Variants in WWC1 observed in about 807,000 individuals in gnomAD.
The protein encoded by WWC1 is WW and C2 domain containing 1.
In WWC1, 55 loss-of-function variants were observed where a neutral mutation model predicts 138.4. The ratio of observed to expected loss-of-function variants is 0.40; its 90% CI spans 0.32 to 0.50. WWC1 has a LOEUF of 0.50. WWC1 is among the 20% of genes least tolerant of loss of function. The probability of loss-of-function intolerance (pLI) is 0.72; values close to 1 mark genes in which losing one functional copy is unlikely to be tolerated. For missense variants in WWC1, 1,226 were observed against 1,420.4 expected (o/e 0.86, Z 2.20); for synonymous variants, 524 against 564.9 (o/e 0.93, Z 1.03).
intron 8 of WWC1, 84 bp from the exon 9 acceptor site, chr5:168,414,264 C>T: frequency 6.5e-7 from 1 of 1,532,316 alleles, no homozygotes; most frequent in Admixed American, 2.0e-5. Flanking sequence ...AAAGATTGCT[C>T]TGAGATGTCT....
chr5:168,444,375 G>T lies in WWC1; in HGVS notation c.2434-119G>T, dbSNP rs557299507. 13 of 1,023,736 alleles carry T rather than the reference G, an allele frequency of 1.3e-5. No homozygotes were observed. In the South Asian group the frequency reaches 2.0e-4, roughly 16 times the overall value. The allele number at this position is 1,023,736 out of a possible 1,614,324, so 63.4% of individuals were successfully genotyped here. A position where few individuals can be genotyped will look rare whatever the true frequency, so the allele number is the denominator to read the frequency against. ...CTTGGGCAAGACACTTGACCACTCTGGTCTTTGGTTTCACCATCAATTCAC... is the reference window on the plus strand; with the variant it reads ...CTTGGGCAAGACACTTGACCACTCTTGTCTTTGGTTTCACCATCAATTCAC... On this transcript the variant is annotated intron_variant, in intron 16 of 22. Transcript: ENST00000265293.
chr5:168,393,287 T>C lies in WWC1; in HGVS notation c.434-4437T>C, dbSNP rs948251135. Among the ~76,000 whole-genome samples, 4 of 152,092 alleles carry C rather than the reference T, an allele frequency of 2.6e-5. 1 individual carries two copies. Among genetic ancestry groups the C allele is most frequent in the Non-Finnish European group, 1.5e-5 (1 of 68,014 alleles). On this transcript the variant is annotated intron_variant, in intron 3 of 22. Transcript: ENST00000265293. ...AGGGTTCACTGAGTGTCCAACACAG[T>C]GGATGAAAGTCAGCTCACACCAAGA...
chr5:168,340,703 G>A (rs931288592), intron 1 of WWC1, among the ~76,000 whole-genome samples: 1 of 152,122 alleles, frequency 6.6e-6, no homozygotes, highest in Non-Finnish European at 1.5e-5. Flanking sequence ...TCCATTGTAT[G>A]GATATGCCAC....
Position 168,444,651 on chromosome 5 carries a change from C to A in WWC1, c.2525+66C>A. On this transcript the variant is annotated intron_variant, in intron 17 of 22. Transcript: ENST00000265293. ...TGGACCTAGGCCCAGCAATGAGATC[C>A]CCCAATGCCAGTGCAACTAAGAGAA... 1.1e-5 allele frequency: 17 copies of A among 1,545,748 alleles called. No individual in the cohort carries two copies. The South Asian group carries it at 1.8e-4, about 16-fold the overall frequency.
chr5:168,435,796 C>A (rs1012989159), intron 15 of WWC1, among the ~76,000 whole-genome samples: 1 of 152,136 alleles, frequency 6.6e-6, no homozygotes, highest in African/African-American at 2.4e-5. Context: ...AAGAGGTGTT[C>A]CCTTCCTCTC....
intron 1 of WWC1, among the ~76,000 whole-genome samples, chr5:168,332,935 C>T (rs556376960): frequency 6.6e-6 from 1 of 152,280 alleles, no homozygotes; most frequent in Admixed American, 6.5e-5. Flanking sequence ...TCTCAAACTC[C>T]TGGGCTCAAG....
At position 168,412,149 on chromosome 5, in the gene WWC1, A is replaced by G. The variant is rs140029089; in HGVS notation, c.941+2154A>G. ...TAGATGGTCAGTCCTTGAGACACTA[A>G]AGGACTGCAGTGCTCTCTCTGGAGT... On this transcript the variant is annotated intron_variant, in intron 8 of 22. Transcript: ENST00000265293. 626 of 985,366 alleles carry G rather than the reference A, an allele frequency of 6.4e-4. 4 individuals are homozygous for G. The African/African-American group carries it at 0.01, about 16-fold the overall frequency. 61.0% of individuals were successfully genotyped at this position (985,366 alleles called of 1,614,324 possible).
In WWC1 at chr5:168,472,039, A is replaced by G. The variant is rs1757687966; in HGVS notation, c.*3022A>G. ...TCATACCCCTGCAGCATCCGCTGCT[A>G]TGAAGCAGAGCTGTAAACGCCCTCC... On this transcript the variant is annotated 3_prime_UTR_variant, in exon 23 of 23. Coordinates refer to ENST00000265293, the MANE Select transcript of WWC1 (RefSeq NM_015238.3). 1.3e-5 allele frequency: 2 copies of G among 152,262 alleles called. No individual in the cohort carries two copies. The highest frequency in any genetic ancestry group is 4.8e-5 in the African/African-American group (2 of 41,462). 9.4% of individuals were successfully genotyped at this position (152,262 alleles called of 1,614,324 possible). A position where few individuals can be genotyped will look rare whatever the true frequency, so the allele number is the denominator to read the frequency against.
intron 1 of WWC1, among the ~76,000 whole-genome samples, chr5:168,352,078 G>T (rs576260793): frequency 6.6e-6 from 1 of 152,186 alleles, no homozygotes; most frequent in Admixed American, 6.5e-5. Flanking sequence ...CTCAAAGGGC[G>T]GTCAGGAGCA....
At chr5:168,418,370 G>A (rs188919050) in intron 9 of WWC1, among the ~76,000 whole-genome samples, 24 of 152,292 alleles carry the variant, frequency 1.6e-4, no homozygotes, top group African/African-American at 3.6e-4. Flanking sequence ...CCCAGGGACC[G>A]ATTCTTCCGG....
At chr5:168,376,049 TA>T (rs1219553195) in intron 2 of WWC1, among the ~76,000 whole-genome samples, 1 of 146,374 alleles carries the variant, frequency 6.8e-6, no homozygotes, top group Middle Eastern at 3.4e-3. Context: ...ATAATCTTCA[TA>T]TTTGTCTTTT....
intron 3 of WWC1, among the ~76,000 whole-genome samples, chr5:168,391,802 GA>G (rs1251886512): frequency 1.6e-5 from 2 of 128,288 alleles, no homozygotes; most frequent in South Asian, 2.6e-4. Context: ...TATGATTAGG[GA>G]AAATTGGAGA....
At chr5:168,388,127 T>C (rs1393086624) in intron 3 of WWC1, among the ~76,000 whole-genome samples, 1 of 152,148 alleles carries the variant, frequency 6.6e-6, no homozygotes, top group South Asian at 2.1e-4. Flanking sequence ...GTGGTAAAAT[T>C]AGCATGACCA....
chr5:168,330,870 G>A (rs111454905), intron 1 of WWC1, among the ~76,000 whole-genome samples: 1,589 of 152,216 alleles, frequency 0.01, 25 homozygotes, highest in African/African-American at 0.036. Context: ...AAAAGAGCTG[G>A]TGCATTCAGA....
intron 3 of WWC1, among the ~76,000 whole-genome samples, chr5:168,396,065 C>G (rs923235717): frequency 5.3e-5 from 8 of 151,808 alleles, no homozygotes; most frequent in African/African-American, 1.9e-4. Flanking sequence ...AGCAGGTGAT[C>G]TGGCTACATG....
In WWC1 at chr5:168,384,164, CTT is replaced by C. The variant is rs931510323; in HGVS notation, c.230-1046_230-1045del. On this transcript the variant is annotated intron_variant, in intron 2 of 22. Coordinates refer to ENST00000265293, the MANE Select transcript of WWC1 (RefSeq NM_015238.3). Reference sequence around the variant, plus strand: ...TGAATATAGCATACATATTTGAACACTTATTTCTGTGTGACTTTGAGCAAGTT... The same window carrying C: ...TGAATATAGCATACATATTTGAACACATTTCTGTGTGACTTTGAGCAAGTT... Among the ~76,000 whole-genome samples, 26 of 94,188 alleles carry C rather than the reference CTT, an allele frequency of 2.8e-4. 1 individual carries two copies. The highest frequency in any genetic ancestry group is 3.9e-4 in the Non-Finnish European group (18 of 45,760). The allele number at this position is 94,188 out of a possible 152,430, so 61.8% of individuals were successfully genotyped here. A position where few individuals can be genotyped will look rare whatever the true frequency, so the allele number is the denominator to read the frequency against.
intron 19 of WWC1, among the ~76,000 whole-genome samples, chr5:168,456,492 A>G (rs1212372078): frequency 6.6e-6 from 1 of 151,850 alleles, no homozygotes. Flanking sequence ...AAATTAGTGC[A>G]TGGTGGCACA....
rs144745450 is a variant in WWC1, at chr5:168,396,761, TA to T, written c.434-959del. 6.8e-3 allele frequency among the ~76,000 whole-genome samples: 1,036 copies of T among 152,334 alleles called. 9 individuals are homozygous for T. The highest frequency in any genetic ancestry group is 0.024 in the African/African-American group (1,008 of 41,568). ...GTGTAGTATTCACTTTCATAAGCCT[TA>T]AAATCCTTTTTCAAGACATTAGTAA... is the stretch of plus-strand genomic sequence containing the variant. On this transcript the variant is annotated intron_variant, in intron 3 of 22. Coordinates refer to ENST00000265293, the MANE Select transcript of WWC1 (RefSeq NM_015238.3).
At chr5:168,403,343 C>G (rs1430543554) in intron 5 of WWC1, among the ~76,000 whole-genome samples, 1 of 152,018 alleles carries the variant, frequency 6.6e-6, no homozygotes, top group Non-Finnish European at 1.5e-5. Flanking sequence ...GTGATCTGCC[C>G]ACCTGGGCCT....
Sources: gnomAD v4.1 joint callset for allele counts (sites outside exome capture counted in the v4.1 genomes callset) on GRCh38, gnomAD v4.1.1 for gene constraint, MANE v1.5 for transcripts, NCBI Gene and HGNC (gene_info 2026-07-23, HGNC 2026-07-21) for gene names.